The following DCC variants were observed in gnomAD, a reference collection of about 807,000 sequenced individuals.
The protein encoded by DCC is netrin receptor DCC.
In DCC, 58 loss-of-function variants were observed where a neutral mutation model predicts 172.5. That is an observed-to-expected ratio of 0.34 (90% CI 0.27 to 0.42). The LOEUF is 0.42. DCC is among the 10% of genes least tolerant of loss of function. DCC has a pLI of 1.00. For missense variants in DCC, 1,740 were observed against 1,791.0 expected, an observed-to-expected ratio of 0.97 and a Z score of 0.51; for synonymous variants, 709 against 644.5, an observed-to-expected ratio of 1.10 and a Z score of -1.52.
intron 26 of DCC, among the ~76,000 whole-genome samples, chr18:53,494,832 A>G (rs1599216255): frequency 6.6e-6 from 1 of 152,144 alleles, no homozygotes; most frequent in Non-Finnish European, 1.5e-5. Flanking sequence ...GTGTGTATTT[A>G]ATCCTGTCAT....
chr18:52,945,536 T>C (rs1020300395), intron 5 of DCC, among the ~76,000 whole-genome samples: 1 of 152,250 alleles, frequency 6.6e-6, no homozygotes, highest in Non-Finnish European at 1.5e-5. Context: ...TATTGCTTTA[T>C]TATTGTTGCT....
intron 1 of DCC, among the ~76,000 whole-genome samples, chr18:52,351,461 C>T (rs910750582): frequency 6.6e-6 from 1 of 152,030 alleles, no homozygotes; most frequent in African/African-American, 2.4e-5. Context: ...ATTTATGAAC[C>T]TATCTATCCT....
At chr18:52,509,785 C>T (rs562483278) in intron 1 of DCC, among the ~76,000 whole-genome samples, 13 of 152,258 alleles carry the variant, frequency 8.5e-5, no homozygotes, top group East Asian at 7.7e-4. Flanking sequence ...ACGGATGAAC[C>T]GAGTTGCCCC....
chr18:52,499,343 G>T (rs1196985820), intron 1 of DCC, among the ~76,000 whole-genome samples: 1 of 152,106 alleles, frequency 6.6e-6, no homozygotes, highest in African/African-American at 2.4e-5. Flanking sequence ...TAAAATGGGG[G>T]AAATGTGGAT....
Position 53,351,367 on chromosome 18 carries a change from C to CTG in DCC, c.2359+11462_2359+11463dup, listed in dbSNP as rs1491497348. Among the ~76,000 whole-genome samples the CTG allele has an allele frequency of 7.7e-3, 255 of 32,982 alleles. 51 individuals carry two copies. Among genetic ancestry groups the CTG allele is most frequent in the African/African-American group, 0.024 (237 of 9,800 alleles). The allele number at this position is 32,982 out of a possible 152,430, so 21.6% of individuals were successfully genotyped here. ...TATATATACACAGTATATATATATACTGTATATATATATACAGTATATATA... is the reference window on the plus strand; with the variant it reads ...TATATATACACAGTATATATATATACTGTGTATATATATATACAGTATATATA... On this transcript the variant is annotated intron_variant, in intron 15 of 28. Transcript: ENST00000442544.
chr18:53,304,904 C>T (rs751461572), intron 12 of DCC, among the ~76,000 whole-genome samples: 10 of 152,170 alleles, frequency 6.6e-5, no homozygotes, highest in South Asian at 2.1e-4. Flanking sequence ...TTGTAGCTCC[C>T]ATAATTCCTA....
At chr18:52,463,977 G>A (rs1288459391) in intron 1 of DCC, among the ~76,000 whole-genome samples, 1 of 152,122 alleles carries the variant, frequency 6.6e-6, no homozygotes, top group Non-Finnish European at 1.5e-5. Context: ...CTTCACAGTA[G>A]CCATTCAGGC....
At chr18:52,633,756 C>A (rs934194866) in intron 1 of DCC, among the ~76,000 whole-genome samples, 1 of 152,184 alleles carries the variant, frequency 6.6e-6, no homozygotes, top group Non-Finnish European at 1.5e-5. Flanking sequence ...GACTCTCCTC[C>A]AAACACTGTA....
At chr18:53,294,368 T>G (rs2057041836) in intron 12 of DCC, among the ~76,000 whole-genome samples, 1 of 152,274 alleles carries the variant, frequency 6.6e-6, no homozygotes, top group East Asian at 1.9e-4. Flanking sequence ...AGGCTGTCAT[T>G]CAAAAAGACA....
chr18:53,423,919 T>C (rs1055986584), intron 21 of DCC, among the ~76,000 whole-genome samples: 3 of 152,174 alleles, frequency 2.0e-5, no homozygotes, highest in Admixed American at 1.3e-4. Flanking sequence ...AGTTTTACCA[T>C]TGAATGAAAA....
intron 23 of DCC, among the ~76,000 whole-genome samples, chr18:53,452,931 T>G (rs559609015): frequency 7.2e-6 from 1 of 139,380 alleles, no homozygotes; most frequent in African/African-American, 2.7e-5. Context: ...TTGTTTGTTT[T>G]TTGAGATGGA....
At chr18:52,965,835 C>A (rs1425160878) in intron 5 of DCC, among the ~76,000 whole-genome samples, 1 of 152,232 alleles carries the variant, frequency 6.6e-6, no homozygotes, top group South Asian at 2.1e-4. Flanking sequence ...GTTCTCTTTC[C>A]ACTGGATCCA....
chr18:52,706,291 C>G (rs1417670003), intron 1 of DCC, among the ~76,000 whole-genome samples: 1 of 152,182 alleles, frequency 6.6e-6, no homozygotes, highest in East Asian at 1.9e-4. Context: ...CCCTATAGCA[C>G]TTAGATAACA....
chr18:53,118,968 A>G (rs374203509), intron 7 of DCC, among the ~76,000 whole-genome samples: 1 of 151,820 alleles, frequency 6.6e-6, no homozygotes, highest in Non-Finnish European at 1.5e-5. Context: ...TTAACATTAA[A>G]TCTGCCACAA....
At chr18:52,695,391 T>C (rs908370065) in intron 1 of DCC, among the ~76,000 whole-genome samples, 4 of 152,212 alleles carry the variant, frequency 2.6e-5, no homozygotes, top group African/African-American at 9.6e-5. Flanking sequence ...CAGTAGTCCC[T>C]TCATGTTGGA....
intron 1 of DCC, among the ~76,000 whole-genome samples, chr18:52,397,558 T>TTTCTTTCA (rs1397211238): frequency 6.6e-6 from 1 of 152,038 alleles, no homozygotes; most frequent in African/African-American, 2.4e-5. Context: ...CTGTTGGCCT[T>TTTCTTTCA]TTCTTTCATG....
At chr18:52,576,187 G>A (rs931306456) in intron 1 of DCC, among the ~76,000 whole-genome samples, 1 of 152,182 alleles carries the variant, frequency 6.6e-6, no homozygotes, top group African/African-American at 2.4e-5. Context: ...TCCTTTGCTA[G>A]ACGCCATTAC....
intron 5 of DCC, among the ~76,000 whole-genome samples, chr18:52,995,705 A>G (rs1188533746): frequency 6.6e-6 from 1 of 151,964 alleles, no homozygotes; most frequent in Non-Finnish European, 1.5e-5. Flanking sequence ...AATCTGCCAA[A>G]GATATTTACT....
At chr18:53,143,744 A>G (rs1042258116) in intron 7 of DCC, among the ~76,000 whole-genome samples, 1 of 152,262 alleles carries the variant, frequency 6.6e-6, no homozygotes, top group African/African-American at 2.4e-5. Flanking sequence ...TGTTTCAGGA[A>G]GCGTGGCATC....
Sources: allele counts gnomAD v4.1 joint callset (sites outside exome capture counted in the v4.1 genomes callset), GRCh38; gene constraint gnomAD v4.1.1; transcripts MANE v1.5; gene names NCBI Gene and HGNC (gene_info 2026-07-23, HGNC 2026-07-21).